PGPEP1: variants seen among roughly 807,000 people sequenced by gnomAD.
PGPEP1 encodes pyroglutamyl-peptidase I.
In PGPEP1, 15 loss-of-function variants were observed where a neutral mutation model predicts 24.1. The ratio of observed to expected loss-of-function variants is 0.62; its 90% confidence interval spans 0.42 to 0.96. The LOEUF (loss-of-function observed/expected upper bound fraction) is 0.96, where lower values mean the gene tolerates loss of function less well. Ranked by LOEUF, PGPEP1 falls within the 40% of genes least tolerant of loss-of-function variation. The pLI is 0.00. For synonymous variants in PGPEP1, 122 were observed against 116.4 expected (o/e 1.05, Z -0.31); for missense variants, 242 against 273.4 (o/e 0.89, Z 0.81).
chr19:18,363,320 A>G (rs1297061766), intron 4 of PGPEP1, 71 bp from the exon 5 acceptor site: 1 of 1,285,216 alleles, frequency 7.8e-7, no homozygotes, highest in Non-Finnish European at 1.1e-6. Context: ...GGGTGCTGTC[A>G]CCTTGGTCTA....
chr19:18,341,098 A>C (rs1335235226), intron 1 of PGPEP1, among the ~76,000 whole-genome samples: 1 of 151,800 alleles, frequency 6.6e-6, no homozygotes, highest in Non-Finnish European at 1.5e-5. Flanking sequence ...CTGTCCCCAC[A>C]CCGCTCCCCC....
At chr19:18,347,665 A>C (rs1600199564) in intron 2 of PGPEP1, among the ~76,000 whole-genome samples, 3 of 127,046 alleles carry the variant, frequency 2.4e-5, no homozygotes, top group African/African-American at 3.1e-5. Context: ...ACAGGGTCTC[A>C]CTCTGTCACC....
intron 1 of PGPEP1, among the ~76,000 whole-genome samples, chr19:18,342,350 G>C (rs1970695212): frequency 6.6e-6 from 1 of 152,212 alleles, no homozygotes; most frequent in African/African-American, 2.4e-5. Flanking sequence ...ATGTGGCCAG[G>C]CTTAATGCCA....
At chr19:18,346,255 T>C (rs931626053) in intron 2 of PGPEP1, among the ~76,000 whole-genome samples, 4 of 152,162 alleles carry the variant, frequency 2.6e-5, no homozygotes. Flanking sequence ...GGTTCCTTCC[T>C]GTCCTGGATT....
chr19:18,341,966 G>A (rs1212352239), intron 1 of PGPEP1, among the ~76,000 whole-genome samples: 17 of 151,648 alleles, frequency 1.1e-4, no homozygotes, highest in Admixed American at 1.1e-3. Context: ...GGAGCACAAC[G>A]GCGCGATCTC....
chr19:18,346,655 T>TTG (rs1970855415), intron 2 of PGPEP1, among the ~76,000 whole-genome samples: 1 of 139,120 alleles, frequency 7.2e-6, no homozygotes, highest in African/African-American at 2.6e-5. Context: ...TTTTTTTTTT[T>TTG]TTGAGACAGA....
rs920363786 is a variant in PGPEP1, at chr19:18,369,212, T to C, written c.*5629T>C. The C allele has an allele frequency of 3.9e-5, 6 of 152,260 alleles. No homozygotes were observed. Among genetic ancestry groups the C allele is most frequent in the African/African-American group, 1.4e-4 (6 of 41,444 alleles). The allele number at this position is 152,260 out of a possible 1,614,324, so 9.4% of individuals were successfully genotyped here. A position where few individuals can be genotyped will look rare whatever the true frequency, so the allele number is the denominator to read the frequency against. ...TGTCCCCTGGTTTCCAGGACAGTTG[T>C]CACAAGCTGAGTGGGGGGGGACTCC... On this transcript the variant is annotated 3_prime_UTR_variant, in exon 5 of 5. Coordinates refer to ENST00000269919, the MANE Select transcript of PGPEP1 (RefSeq NM_017712.4).
rs768262854 is a variant in PGPEP1 at position 18,356,003 on chromosome 19, A to G, written c.196A>G (p.Ser66Gly). Residue 66 changes from serine (S) to glycine (G), a missense_variant, in exon 3 of 5, where the codon AGT becomes GGT. Coordinates refer to ENST00000269919, the MANE Select transcript of PGPEP1 (RefSeq NM_017712.4). The part of the protein sequence containing the change: ...RLIPALWEKH[S>G]PQLVVHVGVS... ...CATCCCCGCCCTGTGGGAGAAGCAC[A>G]GTCCACAGGTGAGTGGTGCCAAGGG... 1 of 1,598,640 alleles carries G rather than the reference A, an allele frequency of 6.3e-7. No individual in the cohort carries two copies.
At chr19:18,353,304 C>T (rs1203796568) in intron 2 of PGPEP1, among the ~76,000 whole-genome samples, 1 of 151,864 alleles carries the variant, frequency 6.6e-6, no homozygotes, top group East Asian at 1.9e-4. Context: ...TGCATGCAGC[C>T]TCCCCCTCCC....
chr19:18,355,472 AC>A (rs1971155118), intron 2 of PGPEP1, among the ~76,000 whole-genome samples: 1 of 151,178 alleles, frequency 6.6e-6, no homozygotes, highest in Admixed American at 6.6e-5. Context: ...TGTTGGCTAG[AC>A]TGGTCTCGAA....
chr19:18,365,925 CT>C lies in PGPEP1; in HGVS notation c.*2352del, dbSNP rs11338117. 127,091 of 151,078 alleles carry C rather than the reference CT, an allele frequency of 0.84. 53,630 individuals are homozygous for C. The highest frequency in any genetic ancestry group is 0.91 in the African/African-American group (37,395 of 41,116). The allele number at this position is 151,078 out of a possible 1,614,324, so 9.4% of individuals were successfully genotyped here. A position where few individuals can be genotyped will look rare whatever the true frequency, so the allele number is the denominator to read the frequency against. On this transcript the variant is annotated 3_prime_UTR_variant, in exon 5 of 5. Coordinates refer to ENST00000269919, the MANE Select transcript of PGPEP1 (RefSeq NM_017712.4). ...GACACTATTGTTCCCTCCATGCCAG[CT>C]TTTTTTTTTGCTGGAAATGCCCCCT...
intron 4 of PGPEP1, among the ~76,000 whole-genome samples, chr19:18,361,214 C>G (rs866172829): frequency 6.6e-6 from 1 of 151,790 alleles, no homozygotes; most frequent in Middle Eastern, 3.4e-3. Flanking sequence ...CTCAGCTCAC[C>G]GCAACCTCTG....
chr19:18,354,600 C>G (rs1281028773), intron 2 of PGPEP1, among the ~76,000 whole-genome samples: 1 of 152,216 alleles, frequency 6.6e-6, no homozygotes, highest in Non-Finnish European at 1.5e-5. Context: ...TCACTGCAAC[C>G]TCAACCGCCT....
intron 2 of PGPEP1, among the ~76,000 whole-genome samples, chr19:18,346,398 C>T (rs1970844516): frequency 6.6e-6 from 1 of 152,108 alleles, no homozygotes; most frequent in Admixed American, 6.6e-5. Flanking sequence ...GTGTTTTGTT[C>T]TGCACTGTGG....
chr19:18,342,881 C>T lies in PGPEP1; in HGVS notation c.57C>T (p.His19=), dbSNP rs1250002369. ...VVTGFGPFGE[H]TVNASWIAVQ... ...CAGGATTTGGCCCTTTTGGGGAACA[C>T]ACCGTGAACGCCAGTTGGATTGCAG... The change falls in exon 2 of 5, where the codon CAC becomes CAT. Residue 19 remains histidine, a synonymous_variant. Transcript: ENST00000269919. 6.2e-7 allele frequency: 1 copy of T among 1,613,888 alleles called. No homozygotes were observed. The highest frequency in any genetic ancestry group is 1.7e-5 in the Admixed American group (1 of 60,004).
intron 2 of PGPEP1, among the ~76,000 whole-genome samples, chr19:18,348,103 C>G (rs8112644): frequency 0.29 from 44,105 of 151,708 alleles, 7,036 homozygotes; most frequent in African/African-American, 0.36. Flanking sequence ...ACCCCAAGCA[C>G]GAGGCACCAT....
At chr19:18,362,125 G>A (rs1477012507) in intron 4 of PGPEP1, among the ~76,000 whole-genome samples, 1 of 152,044 alleles carries the variant, frequency 6.6e-6, no homozygotes, top group Non-Finnish European at 1.5e-5. Flanking sequence ...ACGGGAAATA[G>A]GCCAGGCGTG....
intron 2 of PGPEP1, among the ~76,000 whole-genome samples, chr19:18,343,143 G>A (rs1213267548): frequency 1.3e-5 from 2 of 152,020 alleles, no homozygotes; most frequent in South Asian, 4.1e-4. Flanking sequence ...GAGATTATAG[G>A]TGGCTGCCAC....
intron 4 of PGPEP1, among the ~76,000 whole-genome samples, chr19:18,358,488 G>A (rs1193284938): frequency 6.6e-5 from 10 of 151,806 alleles, no homozygotes; most frequent in Non-Finnish European, 4.4e-5. Flanking sequence ...TCGAACTCCC[G>A]ACCTCAGGTG....
Sources: gnomAD v4.1 joint callset for allele counts (sites outside exome capture counted in the v4.1 genomes callset) on GRCh38, gnomAD v4.1.1 for gene constraint, MANE v1.5 for transcripts, NCBI Gene and HGNC (gene_info 2026-07-23, HGNC 2026-07-21) for gene names.